Variants in KLHL2 observed in about 807,000 individuals in gnomAD.
KLHL2 encodes kelch-like protein 2.
KLHL2 carries 15 observed loss-of-function variants against 75.8 expected under a neutral mutation model. That is an observed-to-expected ratio of 0.20 (90% CI 0.13 to 0.30). KLHL2 has a LOEUF of 0.30. KLHL2 is among the 10% of genes least tolerant of loss of function. The probability of loss-of-function intolerance (pLI) is 1.00; values close to 1 mark genes in which losing one functional copy is unlikely to be tolerated. For missense variants in KLHL2, 381 were observed against 741.0 expected, an observed-to-expected ratio of 0.51 and a Z score of 5.64; for synonymous variants, 214 against 251.9, an observed-to-expected ratio of 0.85 and a Z score of 1.42.
At chr4:165,282,990 C>G (rs1056647748) in intron 5 of KLHL2, among the ~76,000 whole-genome samples, 7 of 151,874 alleles carry the variant, frequency 4.6e-5, no homozygotes, top group African/African-American at 1.7e-4. Flanking sequence ...TGGCAGCAGG[C>G]AAAGAGAGCT....
At chr4:165,292,475 G>A (rs1043688257) in intron 5 of KLHL2, among the ~76,000 whole-genome samples, 3 of 152,026 alleles carry the variant, frequency 2.0e-5, no homozygotes, top group African/African-American at 7.2e-5. Context: ...TGGGAGTACA[G>A]GTGTGTGCCA....
intron 5 of KLHL2, among the ~76,000 whole-genome samples, chr4:165,263,817 T>G (rs1741920628): frequency 1.3e-5 from 2 of 148,438 alleles, no homozygotes; most frequent in South Asian, 4.3e-4. Context: ...TTTTTTTTTT[T>G]TTTTTTTTTT....
chr4:165,274,695 C>A (rs551360669), intron 5 of KLHL2, among the ~76,000 whole-genome samples: 1 of 152,092 alleles, frequency 6.6e-6, no homozygotes, highest in African/African-American at 2.4e-5. Context: ...TCATTTCTTT[C>A]TCTTGCCCAT....
intron 4 of KLHL2, among the ~76,000 whole-genome samples, chr4:165,250,061 T>C (rs1307287100): frequency 3.3e-5 from 5 of 152,046 alleles, no homozygotes; most frequent in African/African-American, 1.2e-4. Context: ...GAGGCGGAGC[T>C]TGCAGTAAGC....
intron 3 of KLHL2, 56 bp from the exon 4 acceptor site, chr4:165,238,722 G>A (rs1369121519): frequency 5.0e-6 from 8 of 1,607,080 alleles, no homozygotes; most frequent in Non-Finnish European, 6.8e-6. Flanking sequence ...CATTGGCATT[G>A]GAACTTCCAC....
At chr4:165,210,251 TG>T (rs1737115570) in intron 1 of KLHL2, 3 of 1,406,440 alleles carry the variant, frequency 2.1e-6, no homozygotes. Context: ...GCACTGTGCG[TG>T]GTGCTTTTGC....
At chr4:165,229,777 G>T (rs1738736444) in intron 3 of KLHL2, among the ~76,000 whole-genome samples, 1 of 152,220 alleles carries the variant, frequency 6.6e-6, no homozygotes, top group Non-Finnish European at 1.5e-5. Flanking sequence ...GACGTTGACG[G>T]CTGTGATGGG....
At chr4:165,244,793 G>A (rs1740118069) in intron 4 of KLHL2, among the ~76,000 whole-genome samples, 1 of 152,202 alleles carries the variant, frequency 6.6e-6, no homozygotes, top group South Asian at 2.1e-4. Context: ...TTGAGCCAGG[G>A]ATGAATAGGG....
At chr4:165,210,408 G>A (rs1373043737) in intron 1 of KLHL2, among the ~76,000 whole-genome samples, 1 of 152,074 alleles carries the variant, frequency 6.6e-6, no homozygotes, top group Non-Finnish European at 1.5e-5. Flanking sequence ...CTTGAAATTA[G>A]CTTTTGATCT....
chr4:165,317,960 A>G lies in KLHL2; in HGVS notation c.1744A>G (p.Ser582Gly). 1 of 1,613,820 alleles carries G rather than the reference A, an allele frequency of 6.2e-7. No homozygotes were observed. Among genetic ancestry groups the G allele is most frequent in the Non-Finnish European group, 8.5e-7 (1 of 1,179,878 alleles). The change falls in exon 14 of 15, where the codon AGT becomes GGT. Residue 582 changes from serine (S) to glycine (G), a missense_variant. By Grantham distance (56) the Ser-to-Gly change is moderately conservative. Transcript: ENST00000226725. ...GTCATCGTGTATGAGCACAGGGAGA[A>G]GTTATGCAGGTAACAGTTGTCTCTA... Reference protein sequence around the residue: ...VVSSCMSTGRSYAGVTVIDKP... With the variant: ...VVSSCMSTGRGYAGVTVIDKP...
chr4:165,319,048 GAACA>G lies in KLHL2; in HGVS notation c.1753+1083_1753+1086del, dbSNP rs1746783234. On this transcript the variant is annotated intron_variant, in intron 14 of 14. Transcript: ENST00000226725. The surrounding 1 kb of genome is among the most constrained non-coding windows in gnomAD (Gnocchi z 4.5). The stretch of plus-strand genomic sequence containing the variant: ...TGTCATTCACAGTCCAGAGAAATGT[GAACA>G]AACCACAAAGATACAATATTAAATC... Among the ~76,000 whole-genome samples the G allele has an allele frequency of 6.6e-6, 1 of 152,072 alleles. No individual in the cohort carries two copies. Among genetic ancestry groups the G allele is most frequent in the African/African-American group, 2.4e-5 (1 of 41,398 alleles).
chr4:165,250,679 C>A (rs190247989), intron 4 of KLHL2, among the ~76,000 whole-genome samples: 7 of 152,254 alleles, frequency 4.6e-5, no homozygotes, highest in African/African-American at 1.7e-4. Context: ...GCAAAAATAT[C>A]TAAATGCTCT....
chr4:165,277,629 T>G (rs1357679261), intron 5 of KLHL2, among the ~76,000 whole-genome samples: 1 of 152,224 alleles, frequency 6.6e-6, no homozygotes, highest in East Asian at 1.9e-4. Flanking sequence ...TGATGGAAGA[T>G]TCCAATGGTG....
chr4:165,258,102 G>A (rs1324422316), intron 4 of KLHL2, among the ~76,000 whole-genome samples: 8 of 152,138 alleles, frequency 5.3e-5, no homozygotes, highest in East Asian at 1.9e-4. Flanking sequence ...TTCACTGTCC[G>A]CTTTACATTT....
intron 14 of KLHL2, among the ~76,000 whole-genome samples, chr4:165,321,715 C>T (rs1746995852): frequency 6.6e-6 from 1 of 152,118 alleles, no homozygotes; most frequent in African/African-American, 2.4e-5. Context: ...TCACCACAAT[C>T]AAGATAATGA....
chr4:165,286,515 G>A (rs528627289), intron 5 of KLHL2, among the ~76,000 whole-genome samples: 34 of 152,180 alleles, frequency 2.2e-4, no homozygotes, highest in African/African-American at 8.2e-4. Flanking sequence ...GGTAAAGGAG[G>A]CAGATTCAGT....
intron 4 of KLHL2, among the ~76,000 whole-genome samples, chr4:165,261,341 T>TTTTTA (rs1741657035): frequency 8.0e-6 from 1 of 125,570 alleles, no homozygotes; most frequent in African/African-American, 3.0e-5. Flanking sequence ...TTATTTTCTA[T>TTTTTA]TTTTATTTTT....
chr4:165,207,857 G>A lies in KLHL2; in HGVS notation c.-20G>A, dbSNP rs1578953619. 2 of 1,451,882 alleles carry A rather than the reference G, an allele frequency of 1.4e-6. No homozygotes were observed. Among genetic ancestry groups the A allele is most frequent in the Non-Finnish European group, 1.8e-6 (2 of 1,095,964 alleles). The allele number at this position is 1,451,882 out of a possible 1,614,324, so 89.9% of individuals were successfully genotyped here. A position where few individuals can be genotyped will look rare whatever the true frequency, so the allele number is the denominator to read the frequency against. On this transcript the variant is annotated 5_prime_UTR_variant, in exon 1 of 15. It removes the in-frame stop codon of an upstream open reading frame in the 5' UTR. Coordinates refer to ENST00000226725, the MANE Select transcript of KLHL2 (RefSeq NM_007246.4). This position sits in a 1 kb window ranked among gnomAD's most constrained non-coding sequence, Gnocchi z 4.2. ...CTGTGTTGGTCGGTGCCTGCGTTCT[G>A]AAGCCCGAGAGGAGCCACAATGGAG...
chr4:165,253,310 A>G (rs907590110), intron 4 of KLHL2, among the ~76,000 whole-genome samples: 4 of 152,202 alleles, frequency 2.6e-5, no homozygotes, highest in Non-Finnish European at 5.9e-5. Flanking sequence ...CTGGGATTAC[A>G]GATGTGAGGC....
Sources: gnomAD v4.1 joint callset for allele counts (sites outside exome capture counted in the v4.1 genomes callset) on GRCh38, gnomAD v4.1.1 for gene constraint, Gnocchi (gnomAD v3.1) non-coding constraint, MANE v1.5 for transcripts, NCBI Gene and HGNC (gene_info 2026-07-23, HGNC 2026-07-21) for gene names.